ZNF98: variants seen among roughly 807,000 people sequenced by gnomAD.
The protein encoded by ZNF98 is zinc finger protein 98.
A neutral mutation model predicts 12.8 loss-of-function variants in ZNF98; 8 were observed. The observed-to-expected ratio is 0.63, with a 90% CI of 0.37 to 1.13. The LOEUF is 1.13. ZNF98 is among the 50% of genes most tolerant of loss of function. ZNF98 has a pLI of 0.01. For missense variants in ZNF98, 379 were observed against 666.1 expected, an observed-to-expected ratio of 0.57 and a Z score of 4.74; for synonymous variants, 112 against 223.5, an observed-to-expected ratio of 0.50 and a Z score of 4.45.
chr19:22,401,898 C>A (rs1969461708), intron 3 of ZNF98, among the ~76,000 whole-genome samples: 1 of 150,886 alleles, frequency 6.6e-6, no homozygotes. Context: ...AATTCTCGGT[C>A]AGGCACGGTG....
At position 22,392,734 on chromosome 19, in the gene ZNF98, T is replaced by A. The variant is rs1438124037; in HGVS notation, c.501A>T (p.Ser167=). ...DKYVKVFHKF[S]NSNRHKIGHT... ...GTCCTATCTTATGTCTGTTTGAATT[T>A]GAAAATTTATGAAAGACTTTCACAT... Residue 167 remains serine, a synonymous_variant, in exon 4 of 4, where the codon TCA becomes TCT. Coordinates refer to ENST00000357774, the MANE Select transcript of ZNF98 (RefSeq NM_001098626.2). 6.2e-7 allele frequency: 1 copy of A among 1,606,280 alleles called. No individual in the cohort carries two copies. Among genetic ancestry groups the A allele is most frequent in the Admixed American group, 1.7e-5 (1 of 58,092 alleles).
chr19:22,402,844 C>A lies in ZNF98; in HGVS notation c.198G>T (p.Glu66Asp). ...ASKPDLITCL[E>D]QGKEPWNVKR... ...TCACATTCCAAGGTTCTTTTCCTTG[C>A]TCCAGACAGGTGATCAGGTCTGGCT... Residue 66 changes from glutamate (E) to aspartate (D), a missense_variant, in exon 3 of 4, where the codon GAG becomes GAT. Physicochemically the swap from Glu to Asp is conservative, Grantham distance 45. This residue lies in a region of ZNF98 where 223 missense variants were observed against 261.6 expected (regional missense o/e 0.85). Coordinates refer to ENST00000357774, the MANE Select transcript of ZNF98 (RefSeq NM_001098626.2). 6 of 1,591,792 alleles carry A rather than the reference C, an allele frequency of 3.8e-6. No individual in the cohort carries two copies. Among genetic ancestry groups the A allele is most frequent in the Non-Finnish European group, 5.1e-6 (6 of 1,174,278 alleles).
intron 3 of ZNF98, among the ~76,000 whole-genome samples, chr19:22,393,841 T>C (rs1287595946): frequency 6.6e-6 from 1 of 152,124 alleles, no homozygotes; most frequent in Non-Finnish European, 1.5e-5. Context: ...AAATGGGATC[T>C]AATTAAACTA....
chr19:22,406,816 C>CA (rs71180545), intron 1 of ZNF98, among the ~76,000 whole-genome samples: 97 of 145,090 alleles, frequency 6.7e-4, no homozygotes, highest in Middle Eastern at 3.7e-3. Context: ...GACTCCGTCT[C>CA]AAAAAAAAAA....
chr19:22,403,471 C>T lies in ZNF98; in HGVS notation c.72G>A (p.Leu24=). The change falls in exon 2 of 4, where the codon CTG becomes CTA. Residue 24 remains leucine (L), a synonymous_variant. Transcript: ENST00000357774. The part of the protein sequence containing the change: ...TFRDVALEFS[L]EEWQCLDTAQ... Reference sequence around the variant, plus strand: ...CGGTGTCCAGGCATTGCCACTCCTCCAGAGAGAATTCTAAGGCCACATCCC... The same window carrying T: ...CGGTGTCCAGGCATTGCCACTCCTCTAGAGAGAATTCTAAGGCCACATCCC... 1 of 1,609,906 alleles carries T rather than the reference C, an allele frequency of 6.2e-7. No individual in the cohort carries two copies. The highest frequency in any genetic ancestry group is 8.5e-7 in the Non-Finnish European group (1 of 1,179,116).
Position 22,392,426 on chromosome 19 carries a change from T to A in ZNF98, c.809A>T (p.Glu270Val). Residue 270 changes from glutamate (E) to valine (V), a missense_variant, in exon 4 of 4, where the codon GAG becomes GTG. Around this residue, in one of 8 missense-constraint regions of ZNF98, gnomAD observed 24 missense variants for 48.8 expected, o/e 0.49. Coordinates refer to ENST00000357774, the MANE Select transcript of ZNF98 (RefSeq NM_001098626.2). ...HTGKKPYKCE[E>V]CGKAFNQSAN... ...AGATTGGTTAAAAGCTTTGCCACAC[T>A]CCTCACATTTGTAGGGTTTCTTTCC... 1 of 1,543,288 alleles carries A rather than the reference T, an allele frequency of 6.5e-7. No individual in the cohort carries two copies.
Position 22,391,625 on chromosome 19 carries a change from TTA to T in ZNF98, c.1608_1609del (p.His536GlnfsTer13). The T allele has an allele frequency of 6.2e-7, 1 of 1,613,624 alleles. No individual in the cohort carries two copies. Among genetic ancestry groups the T allele is most frequent in the Non-Finnish European group, 8.5e-7 (1 of 1,179,770 alleles). ...GAGTTTCTCTCCAGTATGAATCATC[TTA>T]TGTCTGTTAAGAATAGAGGAGTTGT... is the stretch of plus-strand genomic sequence containing the variant. On this transcript the variant is annotated frameshift_variant, in exon 4 of 4. Coordinates refer to ENST00000357774, the MANE Select transcript of ZNF98 (RefSeq NM_001098626.2). LOFTEE classifies it low-confidence loss of function (END_TRUNC).
chr19:22,391,625 T>C lies in ZNF98; in HGVS notation c.1610A>G (p.Lys537Arg), dbSNP rs1969322745. The change falls in exon 4 of 4, where the codon AAG becomes AGG. Residue 537 changes from lysine to arginine, a missense_variant. Physicochemically the swap from Lys to Arg is conservative, Grantham distance 26. Around this residue, in one of 8 missense-constraint regions of ZNF98, gnomAD observed 59 missense variants for 50.3 expected, o/e 1.17. Transcript: ENST00000357774. ...FNNSSILNRH[K>R]MIHTGEKLYK... ...GAGTTTCTCTCCAGTATGAATCATCTTATGTCTGTTAAGAATAGAGGAGTT... is the reference window on the plus strand; with the variant it reads ...GAGTTTCTCTCCAGTATGAATCATCCTATGTCTGTTAAGAATAGAGGAGTT... 1.2e-6 allele frequency: 2 copies of C among 1,613,624 alleles called. No homozygotes were observed.
At chr19:22,406,717 C>G (rs544559735) in intron 1 of ZNF98, among the ~76,000 whole-genome samples, 3 of 151,492 alleles carry the variant, frequency 2.0e-5, no homozygotes, top group Non-Finnish European at 2.9e-5. Flanking sequence ...CTTGGGAGGC[C>G]GAGGCAGAAG....
At chr19:22,407,754 A>G (rs1390584036) in intron 1 of ZNF98, among the ~76,000 whole-genome samples, 1 of 150,820 alleles carries the variant, frequency 6.6e-6, no homozygotes, top group African/African-American at 2.5e-5. Flanking sequence ...AAACTGGCAA[A>G]CCAAATCCAG....
chr19:22,397,930 T>C (rs1440126340), intron 3 of ZNF98, among the ~76,000 whole-genome samples: 1 of 151,372 alleles, frequency 6.6e-6, no homozygotes, highest in African/African-American at 2.4e-5. Flanking sequence ...GGTGAAAAAG[T>C]AGACTAATAA....
rs1268640428 is a variant in ZNF98 at position 22,391,459 on chromosome 19, C to T, written c.*57G>A. The stretch of plus-strand genomic sequence containing the variant: ...AGAAGTTTTCTCCAGAATGAATTAC[C>T]TTACCTACAATCCAGTGTGATAACC... On this transcript the variant is annotated 3_prime_UTR_variant, in exon 4 of 4. Coordinates refer to ENST00000357774, the MANE Select transcript of ZNF98 (RefSeq NM_001098626.2). 9.3e-6 allele frequency: 14 copies of T among 1,500,998 alleles called. No individual in the cohort carries two copies. Among genetic ancestry groups the T allele is most frequent in the African/African-American group, 4.2e-5 (3 of 71,506 alleles). The allele number at this position is 1,500,998 out of a possible 1,614,324, so 93.0% of individuals were successfully genotyped here. A position where few individuals can be genotyped will look rare whatever the true frequency, so the allele number is the denominator to read the frequency against.
intron 3 of ZNF98, among the ~76,000 whole-genome samples, chr19:22,395,280 A>G (rs1424728605): frequency 6.6e-6 from 1 of 151,902 alleles, no homozygotes; most frequent in South Asian, 2.1e-4. Context: ...CATGTTTGAG[A>G]GACTCCCAGA....
chr19:22,400,691 ACGCCTGTAATC>A, intron 3 of ZNF98, among the ~76,000 whole-genome samples: 1 of 152,174 alleles, frequency 6.6e-6, no homozygotes, highest in Non-Finnish European at 1.5e-5. Context: ...GCGGTGGCTC[ACGCCTGTAATC>A]CCAGAACTTT....
intron 3 of ZNF98, among the ~76,000 whole-genome samples, chr19:22,395,222 C>T (rs1969378079): frequency 1.3e-5 from 2 of 149,714 alleles, no homozygotes; most frequent in African/African-American, 2.4e-5. Context: ...ATAAACTCCG[C>T]TGACTAAAAA....
chr19:22,405,019 C>A (rs1458404204), intron 1 of ZNF98, among the ~76,000 whole-genome samples: 1 of 152,018 alleles, frequency 6.6e-6, no homozygotes, highest in Non-Finnish European at 1.5e-5. Context: ...CTTAATATTG[C>A]AGTTCATAAA....
chr19:22,398,350 A>G (rs890826802), intron 3 of ZNF98, among the ~76,000 whole-genome samples: 5 of 151,702 alleles, frequency 3.3e-5, no homozygotes, highest in Admixed American at 1.3e-4. Flanking sequence ...AATAATGTAA[A>G]TATACTTAAC....
intron 1 of ZNF98, among the ~76,000 whole-genome samples, chr19:22,416,798 G>A (rs1160493236): frequency 1.3e-5 from 2 of 151,622 alleles, no homozygotes; most frequent in Admixed American, 6.6e-5. Flanking sequence ...ATAGTGTGTG[G>A]CCGTTAAAAC....
intron 1 of ZNF98, among the ~76,000 whole-genome samples, chr19:22,416,655 G>A (rs1191932304): frequency 6.6e-6 from 1 of 151,766 alleles, no homozygotes; most frequent in East Asian, 2.0e-4. Context: ...TGGAGGCTGA[G>A]GCAGAAGAAT....
Sources: allele counts gnomAD v4.1 joint callset (sites outside exome capture counted in the v4.1 genomes callset), GRCh38; gene constraint gnomAD v4.1.1; regional missense constraint gnomAD v4.1.1; transcripts MANE v1.5; gene names NCBI Gene and HGNC (gene_info 2026-07-23, HGNC 2026-07-21).